The following CBR3 variants were observed in gnomAD, a reference collection of about 807,000 sequenced individuals.
CBR3 encodes carbonyl reductase [NADPH] 3.
In CBR3, 14 loss-of-function variants were observed where a neutral mutation model predicts 11.6. That is an observed-to-expected ratio of 1.20 (90% CI 0.79 to 1.88). The LOEUF (loss-of-function observed/expected upper bound fraction) is 1.88. Among genes scored for constraint, CBR3 ranks in the 40% most tolerant of loss-of-function variants. The pLI, the probability that CBR3 is intolerant of heterozygous loss-of-function variation, is 0.00. For missense variants in CBR3, 308 were observed against 357.3 expected (o/e 0.86, Z 1.11); for synonymous variants, 125 against 145.6 (o/e 0.86, Z 1.02).
At position 36,146,224 on chromosome 21, in the gene CBR3, G is replaced by C. The variant is rs1601357322; in HGVS notation, c.546G>C (p.Glu182Asp). Residue 182 changes from glutamate to aspartate, a missense_variant, in exon 3 of 3, where the codon GAG (glutamate) becomes GAC (aspartate). Glu to Asp is a conservative substitution (Grantham distance 45). Coordinates refer to ENST00000290354, the MANE Select transcript of CBR3 (RefSeq NM_001236.4). ...AGTTTGTGGAGGACACAAAAAATGA[G>C]GTGCATGAGAGGGAAGGCTGGCCCA... ...MKKFVEDTKN[E>D]VHEREGWPNS... 22 of 1,614,180 alleles carry C rather than the reference G, an allele frequency of 1.4e-5. No individual in the cohort carries two copies. The highest frequency in any genetic ancestry group is 1.9e-5 in the Non-Finnish European group (22 of 1,180,048).
At chr21:36,136,380 C>A (rs1386443416) in intron 1 of CBR3, among the ~76,000 whole-genome samples, 1 of 151,730 alleles carries the variant, frequency 6.6e-6, no homozygotes, top group Admixed American at 6.6e-5. Context: ...GGAAAAAAAG[C>A]CTAAGAGGGA....
chr21:36,135,190 G>C lies in CBR3; in HGVS notation c.-3G>C, dbSNP rs2065648208. 2 of 1,470,204 alleles carry C rather than the reference G, an allele frequency of 1.4e-6. No homozygotes were observed. Among genetic ancestry groups the C allele is most frequent in the Non-Finnish European group, 1.8e-6 (2 of 1,111,398 alleles). 91.1% of individuals were successfully genotyped at this position (1,470,204 alleles called of 1,614,324 possible). On this transcript the variant is annotated 5_prime_UTR_variant, in exon 1 of 3. Transcript: ENST00000290354. ...GCAGGTGCCCCGCGCTCCCCGCTCA[G>C]CCATGTCGTCCTGCAGCCGCGTGGC...
In CBR3 at chr21:36,137,538, G is replaced by GGAAGGAAGGAAGGAAGGAGA. The variant is rs2065670384; in HGVS notation, c.290-269_290-268insGAGAAGGAAGGAAGGAAGGA. ...AGGAAGGAAGGAAGGAAGGAAGGAA[G>GGAAGGAAGGAAGGAAGGAGA]GAAGGAAGGAAGGAAGGAAGGAAAG... On this transcript the variant is annotated intron_variant, in intron 1 of 2. Transcript: ENST00000290354. The GGAAGGAAGGAAGGAAGGAGA allele has an allele frequency of 4.4e-5, 7 of 157,914 alleles. No individual in the cohort carries two copies. The East Asian group carries it at 8.2e-4, about 18-fold the overall frequency. 9.8% of individuals were successfully genotyped at this position (157,914 alleles called of 1,614,324 possible). A position where few individuals can be genotyped will look rare whatever the true frequency, so the allele number is the denominator to read the frequency against.
rs1472091971 is a variant in CBR3, at chr21:36,146,496, T to C, written c.818T>C (p.Val273Ala). Residue 273 changes from valine (V) to alanine (A), a missense_variant, in exon 3 of 3, where the codon GTT (valine) becomes GCT (alanine). Transcript: ENST00000290354. ...CAAGGCCAGTTGGTCCATGACAAAG[T>C]TGTGCAAAACTGGTAAACGTCTGCT... Reference protein sequence around the residue: ...EPQGQLVHDKVVQNW With the variant: ...EPQGQLVHDKAVQNW The C allele has an allele frequency of 3.1e-6, 5 of 1,601,442 alleles. No individual in the cohort carries two copies. The highest frequency in any genetic ancestry group is 2.2e-5 in the South Asian group (2 of 89,986).
At chr21:36,136,165 A>G (rs779218304) in intron 1 of CBR3, among the ~76,000 whole-genome samples, 8 of 152,084 alleles carry the variant, frequency 5.3e-5, no homozygotes, top group Non-Finnish European at 1.0e-4. Context: ...TACTGAAGAA[A>G]ATTACAGGAG....
Position 36,135,325 on chromosome 21 carries a change from G to A in CBR3, c.133G>A (p.Ala45Thr). 1 of 1,611,448 alleles carries A rather than the reference G, an allele frequency of 6.2e-7. No individual in the cohort carries two copies. The highest frequency in any genetic ancestry group is 1.3e-5 in the African/African-American group (1 of 75,016). Residue 45 changes from alanine (A) to threonine (T), a missense_variant, in exon 1 of 3, where the codon GCG (alanine) becomes ACG (threonine). Physicochemically the swap from Ala to Thr is moderately conservative, Grantham distance 58. Transcript: ENST00000290354. ...LTARDVARGQ[A>T]AVQQLQAEGL... ...CGCGCGGGACGTGGCGCGGGGCCAG[G>A]CGGCCGTGCAGCAGCTGCAGGCGGA...
At chr21:36,143,208 G>GAATCTCTCGTACCTGAGAGGCGGAGGTT (rs1245308607) in intron 2 of CBR3, among the ~76,000 whole-genome samples, 1 of 151,964 alleles carries the variant, frequency 6.6e-6, no homozygotes, top group Non-Finnish European at 1.5e-5. Flanking sequence ...GGGAGGCTGA[G>GAATCTCTCGTACCTGAGAGGCGGAGGTT]GCAGGAGAAT....
intron 2 of CBR3, among the ~76,000 whole-genome samples, chr21:36,142,443 A>AAAAAAAAAAAAAC (rs1471243319): frequency 6.7e-6 from 1 of 150,218 alleles, no homozygotes; most frequent in Admixed American, 6.6e-5. Context: ...AAAAAAAAAA[A>AAAAAAAAAAAAAC]AAAAACGCAA....
chr21:36,135,154 C>T lies in CBR3; in HGVS notation c.-39C>T, dbSNP rs1247645936. On this transcript the variant is annotated 5_prime_UTR_variant, in exon 1 of 3. Transcript: ENST00000290354. ...CGCCCCAGGTGGTCCGAAGCCCGGT[C>T]CGCCCTCCACGCAGGTGCCCCGCGC... 7.1e-7 allele frequency: 1 copy of T among 1,416,578 alleles called. No homozygotes were observed. Among genetic ancestry groups the T allele is most frequent in the East Asian group, 2.8e-5 (1 of 36,110 alleles). 87.8% of individuals were successfully genotyped at this position (1,416,578 alleles called of 1,614,324 possible).
intron 2 of CBR3, among the ~76,000 whole-genome samples, chr21:36,143,205 T>TGGGGCG (rs1187091534): frequency 6.6e-6 from 1 of 151,692 alleles, no homozygotes; most frequent in Non-Finnish European, 1.5e-5. Context: ...CTTGGGAGGC[T>TGGGGCG]GAGGCAGGAG....
chr21:36,143,632 C>G (rs528487965), intron 2 of CBR3, among the ~76,000 whole-genome samples: 1 of 152,160 alleles, frequency 6.6e-6, no homozygotes, highest in Middle Eastern at 3.4e-3. Flanking sequence ...ATAATCCTAG[C>G]ACTTTGGGAG....
chr21:36,144,033 C>T (rs533296047), intron 2 of CBR3, among the ~76,000 whole-genome samples: 30 of 152,284 alleles, frequency 2.0e-4, no homozygotes, highest in African/African-American at 7.0e-4. Context: ...GGTGGCTGCC[C>T]ACTGTCCTAG....
intron 1 of CBR3, 162 bp downstream of exon 1, chr21:36,135,643 C>A: frequency 3.0e-6 from 2 of 673,936 alleles, no homozygotes; most frequent in Non-Finnish European, 4.6e-6. Flanking sequence ...TTTCGCTTTC[C>A]GTGATTCGCT....
intron 2 of CBR3, among the ~76,000 whole-genome samples, chr21:36,145,730 C>A (rs1376540973): frequency 6.6e-6 from 1 of 152,058 alleles, no homozygotes; most frequent in Non-Finnish European, 1.5e-5. Context: ...GAAGCTGAGG[C>A]AGGAAGATCA....
intron 1 of CBR3, among the ~76,000 whole-genome samples, chr21:36,136,741 G>A (rs1217930717): frequency 6.6e-6 from 1 of 151,720 alleles, no homozygotes; most frequent in African/African-American, 2.4e-5. Context: ...CAAAATCTGC[G>A]TTTCCGCTGG....
At chr21:36,140,957 C>T (rs1243048962) in intron 2 of CBR3, among the ~76,000 whole-genome samples, 1 of 141,026 alleles carries the variant, frequency 7.1e-6, no homozygotes, top group Non-Finnish European at 1.5e-5. Context: ...GCAGTGAGCC[C>T]AGATCGCGCC....
At chr21:36,139,382 C>CTTTTTT (rs35931656) in intron 2 of CBR3, among the ~76,000 whole-genome samples, 4 of 126,694 alleles carry the variant, frequency 3.2e-5, no homozygotes, top group Non-Finnish European at 6.4e-5. Flanking sequence ...CTTGCTTTTT[C>CTTTTTT]TTTTTTTTTT....
chr21:36,138,132 A>T (rs111824379), intron 2 of CBR3, among the ~76,000 whole-genome samples, 200 bp downstream of exon 2: 51 of 149,086 alleles, frequency 3.4e-4, no homozygotes, highest in African/African-American at 4.6e-4. Flanking sequence ...AGTTTAGTTT[A>T]GTTTTGTTTT....
rs762615026 is a variant in CBR3, at chr21:36,135,360, C to T, written c.168C>T (p.Ser56=). Residue 56 remains serine (S), a synonymous_variant, in exon 1 of 3, where the codon AGC becomes AGT. Coordinates refer to ENST00000290354, the MANE Select transcript of CBR3 (RefSeq NM_001236.4). The part of the protein sequence containing the change: ...AVQQLQAEGL[S]PRFHQLDIDD... Reference sequence around the variant, plus strand: ...AGCAGCTGCAGGCGGAGGGCCTGAGCCCGCGCTTCCACCAACTGGACATCG... The same window carrying T: ...AGCAGCTGCAGGCGGAGGGCCTGAGTCCGCGCTTCCACCAACTGGACATCG... 6.2e-7 allele frequency: 1 copy of T among 1,612,832 alleles called. No individual in the cohort carries two copies. The highest frequency in any genetic ancestry group is 1.1e-5 in the South Asian group (1 of 91,070).
Sources: gnomAD v4.1 joint callset for allele counts (sites outside exome capture counted in the v4.1 genomes callset) on GRCh38, gnomAD v4.1.1 for gene constraint, MANE v1.5 for transcripts, NCBI Gene and HGNC (gene_info 2026-07-23, HGNC 2026-07-21) for gene names.